OSBPL10: variants seen among roughly 807,000 people sequenced by gnomAD.
OSBPL10 encodes oxysterol binding protein like 10, also known as oxysterol-binding protein-related protein 10.
OSBPL10 carries 49 observed loss-of-function variants against 81.7 expected under a neutral mutation model. That is an observed-to-expected ratio of 0.60 (90% CI 0.48 to 0.76). The LOEUF (loss-of-function observed/expected upper bound fraction) is 0.76, where lower values mean the gene tolerates loss of function less well. Ranked by LOEUF, OSBPL10 falls within the 30% of genes least tolerant of loss-of-function variation. OSBPL10 has a pLI of 0.00. For synonymous variants in OSBPL10, 419 were observed against 383.6 expected, an observed-to-expected ratio of 1.09 and a Z score of -1.08; for missense variants, 923 against 987.8, an observed-to-expected ratio of 0.93 and a Z score of 0.88.
intron 4 of OSBPL10, among the ~76,000 whole-genome samples, chr3:31,787,974 T>TA (rs1161741219): frequency 6.6e-6 from 1 of 152,082 alleles, no homozygotes; most frequent in Non-Finnish European, 1.5e-5. Context: ...ATATATTAAG[T>TA]AAAAAAGAAA....
intron 7 of OSBPL10, among the ~76,000 whole-genome samples, chr3:31,695,799 C>T (rs1575481681): frequency 6.6e-6 from 1 of 152,270 alleles, no homozygotes; most frequent in Admixed American, 6.5e-5. Context: ...CTCTAATAAC[C>T]CTTTGCTCTT....
chr3:32,026,038 A>AGATAGATAGATAGATAGAT (rs1559551409), intron 2 of OSBPL10, among the ~76,000 whole-genome samples: 40 of 123,822 alleles, frequency 3.2e-4, no homozygotes, highest in African/African-American at 1.1e-3. Context: ...ATAGATAGAT[A>AGATAGATAGATAGATAGAT]GATAGATAGA....
chr3:32,068,119 A>G (rs1210203301), intron 1 of OSBPL10, among the ~76,000 whole-genome samples: 1 of 151,860 alleles, frequency 6.6e-6, no homozygotes, highest in Non-Finnish European at 1.5e-5. Flanking sequence ...ACTCCCTTCA[A>G]TCTCTCTTTC....
At chr3:31,939,996 T>C (rs974378064) in intron 1 of OSBPL10, among the ~76,000 whole-genome samples, 1 of 152,166 alleles carries the variant, frequency 6.6e-6, no homozygotes, top group Non-Finnish European at 1.5e-5. Flanking sequence ...ACTGGGACTA[T>C]AGGCATAAGC....
At chr3:31,776,654 G>T (rs780485118) in intron 4 of OSBPL10, among the ~76,000 whole-genome samples, 2 of 152,142 alleles carry the variant, frequency 1.3e-5, no homozygotes, top group Non-Finnish European at 2.9e-5. Flanking sequence ...CTACAAAATG[G>T]ATAAACTTCA....
At chr3:31,863,622 C>A (rs76648229) in intron 3 of OSBPL10, among the ~76,000 whole-genome samples, 390 of 152,308 alleles carry the variant, frequency 2.6e-3, no homozygotes, top group African/African-American at 9.1e-3. Flanking sequence ...AGCATAGTAT[C>A]TGCCACAAAG....
intron 8 of OSBPL10, among the ~76,000 whole-genome samples, chr3:31,674,631 A>G (rs1420772607): frequency 1.3e-5 from 2 of 151,422 alleles, no homozygotes; most frequent in Non-Finnish European, 2.9e-5. Context: ...AGATAGATGG[A>G]AAAGAGTCCG....
rs9850947 is a variant in OSBPL10, at chr3:31,664,204, G to A, written c.2125C>T (p.Leu709=). The A allele has an allele frequency of 2.2e-4, 362 of 1,612,882 alleles. 4 individuals carry two copies. The African/African-American group carries it at 3.4e-3, about 15-fold the overall frequency. Residue 709 remains leucine (L), a synonymous_variant, in exon 11 of 12, where the codon CTG becomes TTG. Coordinates refer to ENST00000396556, the MANE Select transcript of OSBPL10 (RefSeq NM_017784.5). ...GCTGCGTCAATGTCCCCCAGCCGCA[G>A]GTATCGGGTCACCTCCCGCCAGAGG... The part of the protein sequence containing the change: ...RNLWREVTRY[L]RLGDIDAATE...
At chr3:31,848,051 GCAGGGAC>G (rs1700675690) in intron 3 of OSBPL10, among the ~76,000 whole-genome samples, 1 of 152,138 alleles carries the variant, frequency 6.6e-6, no homozygotes, top group Non-Finnish European at 1.5e-5. Flanking sequence ...GGAGCGGAGA[GCAGGGAC>G]CCTGGGAAAG....
intron 6 of OSBPL10, among the ~76,000 whole-genome samples, chr3:31,717,564 C>T (rs1696484188): frequency 6.6e-6 from 1 of 152,100 alleles, no homozygotes. Flanking sequence ...GAGGAGGCAC[C>T]AATAATGCCC....
At chr3:31,842,847 T>C (rs1397584041) in intron 3 of OSBPL10, among the ~76,000 whole-genome samples, 1 of 152,052 alleles carries the variant, frequency 6.6e-6, no homozygotes, top group African/African-American at 2.4e-5. Flanking sequence ...AGTTATGGAG[T>C]TGGGGACAAA....
chr3:31,821,285 T>C (rs1699978656), intron 4 of OSBPL10, among the ~76,000 whole-genome samples: 1 of 152,048 alleles, frequency 6.6e-6, no homozygotes, highest in African/African-American at 2.4e-5. Context: ...ACTCTCAAAC[T>C]GTGTTCTCAA....
At chr3:31,675,567 C>T (rs1163262873) in intron 8 of OSBPL10, among the ~76,000 whole-genome samples, 1 of 152,140 alleles carries the variant, frequency 6.6e-6, no homozygotes, top group African/African-American at 2.4e-5. Flanking sequence ...TGGCACACTG[C>T]CAAAATCCTG....
chr3:31,904,468 T>TA (rs1696345771), intron 1 of OSBPL10, among the ~76,000 whole-genome samples: 1 of 152,224 alleles, frequency 6.6e-6, no homozygotes, highest in Non-Finnish European at 1.5e-5. Flanking sequence ...GGGCTAGCTC[T>TA]ACCTGGCATT....
At chr3:31,662,707 C>A in intron 11 of OSBPL10, 1 of 985,446 alleles carries the variant, frequency 1.0e-6, no homozygotes, top group South Asian at 4.7e-5. Context: ...TGTTCCCAGC[C>A]CTTCTGTTAT....
chr3:31,673,810 T>C (rs1343487570), intron 8 of OSBPL10, among the ~76,000 whole-genome samples: 2 of 152,136 alleles, frequency 1.3e-5, no homozygotes, highest in African/African-American at 2.4e-5. Context: ...TTTTCTTTTT[T>C]GGAGACAGGG....
chr3:31,884,160 A>T (rs1695668842), intron 1 of OSBPL10, among the ~76,000 whole-genome samples: 1 of 152,258 alleles, frequency 6.6e-6, no homozygotes, highest in South Asian at 2.1e-4. Flanking sequence ...TAACCAACTG[A>T]TGTCACATTA....
At chr3:31,880,285 T>A (rs1695524849) in intron 1 of OSBPL10, among the ~76,000 whole-genome samples, 1 of 152,206 alleles carries the variant, frequency 6.6e-6, no homozygotes, top group Non-Finnish European at 1.5e-5. Context: ...GCCAGTGGCA[T>A]GGGTACCATA....
chr3:31,985,938 A>G (rs1292175890), upstream of OSBPL10, among the ~76,000 whole-genome samples: 3 of 152,210 alleles, frequency 2.0e-5, no homozygotes, highest in Non-Finnish European at 4.4e-5. Context: ...GTTCAGCAAC[A>G]TCCCCCAAAT....
Sources: allele counts gnomAD v4.1 joint callset (sites outside exome capture counted in the v4.1 genomes callset), GRCh38; gene constraint gnomAD v4.1.1; transcripts MANE v1.5; gene names NCBI Gene and HGNC (gene_info 2026-07-23, HGNC 2026-07-21).